The following RUNX2 variants were observed in gnomAD, a reference collection of about 807,000 sequenced individuals.
RUNX2 encodes the protein runt-related transcription factor 2.
In RUNX2, 10 loss-of-function variants were observed where a neutral mutation model predicts 51.7. That is an observed-to-expected ratio of 0.19 (90% CI 0.12 to 0.33). The LOEUF is 0.33. Ranked by LOEUF, RUNX2 falls within the 10% of genes least tolerant of loss-of-function variation. RUNX2 has a pLI of 1.00. For missense variants in RUNX2, 562 were observed against 691.3 expected, an observed-to-expected ratio of 0.81 and a Z score of 2.10; for synonymous variants, 276 against 273.6, an observed-to-expected ratio of 1.01 and a Z score of -0.09.
intron 2 of RUNX2, among the ~76,000 whole-genome samples, chr6:45,385,677 A>C (rs1797332754): frequency 6.6e-6 from 1 of 152,184 alleles, no homozygotes. Context: ...AGGTGGGTGG[A>C]TCGCTTGAGG....
intron 4 of RUNX2, among the ~76,000 whole-genome samples, chr6:45,434,639 T>C (rs547302956): frequency 2.6e-5 from 4 of 152,204 alleles, no homozygotes; most frequent in Non-Finnish European, 5.9e-5. Context: ...AGGTTTTTCA[T>C]GGTTTTTCCT....
At chr6:45,407,822 AT>A (rs532706667) in intron 2 of RUNX2, among the ~76,000 whole-genome samples, 67 of 148,730 alleles carry the variant, frequency 4.5e-4, no homozygotes, top group African/African-American at 9.8e-4. Context: ...TTAATGGTGT[AT>A]TTTTTTTTTG....
At chr6:45,350,686 T>A (rs1164135957) in intron 2 of RUNX2, among the ~76,000 whole-genome samples, 1 of 152,206 alleles carries the variant, frequency 6.6e-6, no homozygotes, top group Non-Finnish European at 1.5e-5. Context: ...CATATTACTA[T>A]GCCTTTTAAA....
At chr6:45,529,496 C>T (rs1801775555) in intron 7 of RUNX2, among the ~76,000 whole-genome samples, 1 of 151,890 alleles carries the variant, frequency 6.6e-6, no homozygotes, top group South Asian at 2.1e-4. Context: ...TTGGCTGTTT[C>T]TTTGGCTGTC....
At chr6:45,418,679 G>A (rs1172455208) in intron 2 of RUNX2, among the ~76,000 whole-genome samples, 1 of 152,174 alleles carries the variant, frequency 6.6e-6, no homozygotes, top group African/African-American at 2.4e-5. Flanking sequence ...TCAGAGCCAA[G>A]ACATCATCAG....
intron 5 of RUNX2, among the ~76,000 whole-genome samples, chr6:45,472,457 C>T (rs563488365): frequency 5.3e-5 from 8 of 152,248 alleles, no homozygotes; most frequent in East Asian, 1.9e-4. Context: ...CCTAGGCTTT[C>T]GATATGTTCT....
chr6:45,493,998 A>T (rs544592074), intron 6 of RUNX2, among the ~76,000 whole-genome samples: 1 of 152,194 alleles, frequency 6.6e-6, no homozygotes, highest in Non-Finnish European at 1.5e-5. Context: ...ACTTAAGAAG[A>T]TGCTTCTCTC....
chr6:45,440,512 G>A (rs889691759), intron 5 of RUNX2, among the ~76,000 whole-genome samples: 3 of 152,184 alleles, frequency 2.0e-5, no homozygotes, highest in African/African-American at 7.2e-5. Flanking sequence ...GGGCCGTATG[G>A]TGGTCTCTGT....
chr6:45,540,052 C>A (rs2150446871), intron 7 of RUNX2, among the ~76,000 whole-genome samples: 1 of 152,282 alleles, frequency 6.6e-6, no homozygotes, highest in South Asian at 2.1e-4. Flanking sequence ...AGAGAGAAAA[C>A]CATGGGTGCT....
chr6:45,384,092 C>T (rs1363907265), intron 2 of RUNX2, among the ~76,000 whole-genome samples: 2 of 152,138 alleles, frequency 1.3e-5, no homozygotes, highest in Admixed American at 1.3e-4. Flanking sequence ...TCACTTTAGC[C>T]ATAATGCTGG....
In RUNX2 at chr6:45,450,195, G is replaced by T. The variant is rs549650350; in HGVS notation, c.685+12144G>T. ...ACAATAGAACCGACAATTGTTTCCA[G>T]TTAATGGCTGCCTCTGTGATGTGAA... is the stretch of plus-strand genomic sequence containing the variant. On this transcript the variant is annotated intron_variant, in intron 5 of 8. Coordinates refer to ENST00000647337, the MANE Select transcript of RUNX2 (RefSeq NM_001024630.4). Among the ~76,000 whole-genome samples the T allele has an allele frequency of 2.6e-5, 4 of 152,332 alleles. No homozygotes were observed. In the South Asian group the frequency reaches 8.3e-4, roughly 32 times the overall value.
At chr6:45,447,178 G>A (rs943797970) in intron 5 of RUNX2, among the ~76,000 whole-genome samples, 1 of 152,232 alleles carries the variant, frequency 6.6e-6, no homozygotes, top group African/African-American at 2.4e-5. Flanking sequence ...CTGGGTACTA[G>A]AAAGTAAACA....
At chr6:45,390,383 C>T (rs1174013621) in intron 2 of RUNX2, among the ~76,000 whole-genome samples, 3 of 152,190 alleles carry the variant, frequency 2.0e-5, no homozygotes, top group African/African-American at 7.2e-5. Flanking sequence ...AGTACCCCAA[C>T]CTGGAAACCT....
chr6:45,436,028 G>T lies in RUNX2; in HGVS notation c.581-1919G>T, dbSNP rs1049847479. ...CCTGGCTGGTTTATTCTTCTGGTTA[G>T]TCTTAACGCTTATAATAAAGCCTCT... On this transcript the variant is annotated intron_variant, in intron 4 of 8. Coordinates refer to ENST00000647337, the MANE Select transcript of RUNX2 (RefSeq NM_001024630.4). Among the ~76,000 whole-genome samples the T allele has an allele frequency of 2.6e-5, 4 of 152,108 alleles. No homozygotes were observed. The South Asian group carries it at 8.3e-4, about 31-fold the overall frequency.
At chr6:45,422,473 C>A in intron 2 of RUNX2, 120 bp from the exon 3 acceptor site, 1 of 815,228 alleles carries the variant, frequency 1.2e-6, no homozygotes, top group Non-Finnish European at 1.9e-6. Flanking sequence ...CACCTCCATC[C>A]TCTTTCCCCC....
At chr6:45,526,080 C>A (rs571760004) in intron 7 of RUNX2, among the ~76,000 whole-genome samples, 70 of 152,166 alleles carry the variant, frequency 4.6e-4, no homozygotes, top group African/African-American at 1.6e-3. Context: ...ACAGGAGCAA[C>A]TATGATAGAT....
chr6:45,426,249 CAGGTGTCAAGGA>C (rs1387975935), intron 3 of RUNX2, among the ~76,000 whole-genome samples: 2 of 152,130 alleles, frequency 1.3e-5, no homozygotes, highest in African/African-American at 4.8e-5. Flanking sequence ...TCGGTCCCCC[CAGGTGTCAAGGA>C]AACGGAAATA....
rs558320549 is a variant in RUNX2, at chr6:45,406,883, T to C, written c.59-15710T>C. Reference sequence around the variant, plus strand: ...ATATGTGCTTTAATGTCATAGACTTTGATATTCAGAACCATAGAGCTTTTA... The same window carrying C: ...ATATGTGCTTTAATGTCATAGACTTCGATATTCAGAACCATAGAGCTTTTA... On this transcript the variant is annotated intron_variant, in intron 2 of 8. Transcript: ENST00000647337. Among the ~76,000 whole-genome samples, 30 of 152,340 alleles carry C rather than the reference T, an allele frequency of 2.0e-4. 1 individual carries two copies. The South Asian group carries it at 5.2e-3, about 26-fold the overall frequency.
intron 7 of RUNX2, among the ~76,000 whole-genome samples, chr6:45,520,799 C>A (rs1356557551): frequency 6.6e-6 from 1 of 152,068 alleles, no homozygotes; most frequent in Admixed American, 6.6e-5. Flanking sequence ...CGGCTCACTA[C>A]AGCCTCTGCC....
Sources: gnomAD v4.1 joint callset for allele counts (sites outside exome capture counted in the v4.1 genomes callset) on GRCh38, gnomAD v4.1.1 for gene constraint, MANE v1.5 for transcripts, NCBI Gene and HGNC (gene_info 2026-07-23, HGNC 2026-07-21) for gene names.